The following GTPBP10 variants were observed in gnomAD, a reference collection of about 807,000 sequenced individuals.
GTPBP10 encodes GTP binding protein 10.
GTPBP10 carries 38 observed loss-of-function variants against 44.8 expected under a neutral mutation model. That is an observed-to-expected ratio of 0.85 (90% CI 0.65 to 1.11). The LOEUF is 1.11. GTPBP10 is among the 50% of genes most tolerant of loss of function. The pLI, the probability that GTPBP10 is intolerant of heterozygous loss-of-function variation, is 0.00. For missense variants in GTPBP10, 462 were observed against 453.7 expected, an observed-to-expected ratio of 1.02 and a Z score of -0.17; for synonymous variants, 152 against 150.6, an observed-to-expected ratio of 1.01 and a Z score of -0.07.
At chr7:90,355,857 G>T (rs1795888528) in intron 4 of GTPBP10, among the ~76,000 whole-genome samples, 1 of 152,094 alleles carries the variant, frequency 6.6e-6, no homozygotes, top group African/African-American at 2.4e-5. Context: ...TTTAGCTGTG[G>T]GGTTTGCAGT....
intron 1 of GTPBP10, among the ~76,000 whole-genome samples, chr7:90,350,524 T>C (rs1326053105): frequency 6.6e-6 from 1 of 152,232 alleles, no homozygotes; most frequent in African/African-American, 2.4e-5. Context: ...AAATCATCCT[T>C]TGCTGGCAAT....
At chr7:90,358,909 A>T (rs1203407110) in intron 4 of GTPBP10, among the ~76,000 whole-genome samples, 1 of 152,204 alleles carries the variant, frequency 6.6e-6, no homozygotes, top group Non-Finnish European at 1.5e-5. Context: ...AGGAAAAAAC[A>T]ATTCCGTTAA....
intron 4 of GTPBP10, among the ~76,000 whole-genome samples, chr7:90,362,284 C>T (rs1338762181): frequency 1.3e-5 from 2 of 151,952 alleles, no homozygotes; most frequent in South Asian, 2.1e-4. Flanking sequence ...CTATAAATTT[C>T]CCTCTACACA....
chr7:90,369,491 G>C (rs1388652576), intron 4 of GTPBP10, among the ~76,000 whole-genome samples: 3 of 152,128 alleles, frequency 2.0e-5, no homozygotes, highest in Non-Finnish European at 4.4e-5. Context: ...TACACTGTCA[G>C]CACAAAACCG....
chr7:90,360,650 A>G (rs1795998684), intron 4 of GTPBP10, among the ~76,000 whole-genome samples: 1 of 152,042 alleles, frequency 6.6e-6, no homozygotes, highest in Non-Finnish European at 1.5e-5. Flanking sequence ...ACGAACTTTA[A>G]AGTAGTTTTT....
rs1329861480 is a variant in GTPBP10 at position 90,389,979 on chromosome 7, CAG to C, written c.*4826_*4827del. On this transcript the variant is annotated 3_prime_UTR_variant, in exon 10 of 10. Transcript: ENST00000222511. Reference sequence around the variant, plus strand: ...ATTTTTAAAAACTATTTTGTAGAGACAGGGTCTTACTATGTTGCCCAGAGTGG... The same window carrying C: ...ATTTTTAAAAACTATTTTGTAGAGACGGTCTTACTATGTTGCCCAGAGTGG... 1 of 152,176 alleles carries C rather than the reference CAG, an allele frequency of 6.6e-6. No individual in the cohort carries two copies. The highest frequency in any genetic ancestry group is 2.4e-5 in the African/African-American group (1 of 41,406). 9.4% of individuals were successfully genotyped at this position (152,176 alleles called of 1,614,324 possible). A position where few individuals can be genotyped will look rare whatever the true frequency, so the allele number is the denominator to read the frequency against.
chr7:90,364,287 A>G (rs1469198144), intron 4 of GTPBP10, among the ~76,000 whole-genome samples: 1 of 151,874 alleles, frequency 6.6e-6, no homozygotes, highest in Non-Finnish European at 1.5e-5. Context: ...TTGGTCTTTG[A>G]TGATGGTGAC....
intron 8 of GTPBP10, among the ~76,000 whole-genome samples, chr7:90,382,109 T>C (rs1030011613): frequency 7.9e-5 from 12 of 151,776 alleles, no homozygotes; most frequent in African/African-American, 2.9e-4. Context: ...GTCAGCAGAG[T>C]GAAGAGGCAA....
At chr7:90,360,421 G>C (rs552567673) in intron 4 of GTPBP10, among the ~76,000 whole-genome samples, 35 of 152,184 alleles carry the variant, frequency 2.3e-4, no homozygotes, top group African/African-American at 7.9e-4. Context: ...TCTTGTTTTT[G>C]TCAGGTTTGT....
chr7:90,359,086 C>A (rs1006293813), intron 4 of GTPBP10, among the ~76,000 whole-genome samples: 10 of 151,758 alleles, frequency 6.6e-5, no homozygotes, highest in Non-Finnish European at 1.5e-4. Context: ...AGTCAAAAAA[C>A]AATACGTGCT....
At chr7:90,368,775 T>G (rs1166515468) in intron 4 of GTPBP10, among the ~76,000 whole-genome samples, 3 of 152,218 alleles carry the variant, frequency 2.0e-5, no homozygotes, top group Admixed American at 6.5e-5. Context: ...ATTACCAACC[T>G]TCTGAAGTCT....
chr7:90,364,613 C>T (rs1254320179), intron 4 of GTPBP10, among the ~76,000 whole-genome samples: 1 of 152,320 alleles, frequency 6.6e-6, no homozygotes, highest in South Asian at 2.1e-4. Flanking sequence ...TGTCCGTTCT[C>T]AGTTCTCAAA....
intron 4 of GTPBP10, among the ~76,000 whole-genome samples, chr7:90,360,655 G>C (rs535235430): frequency 6.6e-6 from 1 of 152,246 alleles, no homozygotes; most frequent in Admixed American, 6.5e-5. Flanking sequence ...CTTTAAAGTA[G>C]TTTTTTCCAA....
chr7:90,371,714 A>G (rs1290767728), intron 4 of GTPBP10, among the ~76,000 whole-genome samples: 1 of 152,220 alleles, frequency 6.6e-6, no homozygotes, highest in African/African-American at 2.4e-5. Flanking sequence ...TATTTGTTGA[A>G]GCTAGGTGAT....
At chr7:90,370,355 T>A (rs1229134254) in intron 4 of GTPBP10, among the ~76,000 whole-genome samples, 1 of 151,906 alleles carries the variant, frequency 6.6e-6, no homozygotes, top group East Asian at 1.9e-4. Context: ...TGTGTGTGTG[T>A]GTGTATCTAT....
At chr7:90,381,353 T>C (rs1407684119) in intron 8 of GTPBP10, among the ~76,000 whole-genome samples, 1 of 152,238 alleles carries the variant, frequency 6.6e-6, no homozygotes, top group East Asian at 1.9e-4. Context: ...GCTATCTCAT[T>C]GTGGTTTTTC....
At chr7:90,377,459 G>A (rs754808885) in intron 6 of GTPBP10, 48 bp from the exon 7 acceptor site, 18 of 1,273,938 alleles carry the variant, frequency 1.4e-5, no homozygotes, top group African/African-American at 6.0e-5. Flanking sequence ...TTGAACTTGC[G>A]GTTTTCATAC....
chr7:90,381,513 T>C (rs962836640), intron 8 of GTPBP10, among the ~76,000 whole-genome samples: 7 of 152,210 alleles, frequency 4.6e-5, no homozygotes, highest in African/African-American at 1.7e-4. Flanking sequence ...TTCAGCACAA[T>C]CCATATCAAA....
chr7:90,357,101 G>C (rs1313069084), intron 4 of GTPBP10, among the ~76,000 whole-genome samples: 3 of 152,134 alleles, frequency 2.0e-5, no homozygotes, highest in Non-Finnish European at 4.4e-5. Context: ...ACAGAAGAAA[G>C]TTATTGTACA....
Sources: allele counts gnomAD v4.1 joint callset (sites outside exome capture counted in the v4.1 genomes callset), GRCh38; gene constraint gnomAD v4.1.1; transcripts MANE v1.5; gene names NCBI Gene and HGNC (gene_info 2026-07-23, HGNC 2026-07-21).